Variants in IGSF23 observed in about 807,000 individuals in gnomAD.
IGSF23 encodes the protein immunoglobulin superfamily member 23.
In IGSF23, 14 loss-of-function variants were observed where a neutral mutation model predicts 17.8. The ratio of observed to expected loss-of-function variants is 0.79; its 90% CI spans 0.52 to 1.23. The LOEUF is 1.23. Among genes scored for constraint, IGSF23 ranks in the 50% most tolerant of loss-of-function variants. The pLI, the probability that IGSF23 is intolerant of heterozygous loss-of-function variation, is 0.00. For synonymous variants in IGSF23, 85 were observed against 92.5 expected, an observed-to-expected ratio of 0.92 and a Z score of 0.46; for missense variants, 214 against 241.7, an observed-to-expected ratio of 0.89 and a Z score of 0.76.
At position 44,613,693 on chromosome 19, in the gene IGSF23, C is replaced by T; in HGVS notation, c.48C>T (p.Ala16=). 6.4e-7 allele frequency: 1 copy of T among 1,550,482 alleles called. No individual in the cohort carries two copies. The highest frequency in any genetic ancestry group is 8.7e-7 in the Non-Finnish European group (1 of 1,146,934). Residue 16 remains alanine (A), a synonymous_variant, in exon 1 of 5, where the codon GCC becomes GCT. Coordinates refer to ENST00000402988, the MANE Select transcript of IGSF23 (RefSeq NM_001205280.2). The part of the protein sequence containing the change: ...QSPLPRNPVP[A]WSPPTTTTDP... ...CCCTTCCCAGGAACCCTGTCCCAGC[C>T]TGGTCCCCACCCACCACCACCACTG...
chr19:44,616,804 A>C (rs1216643647), intron 1 of IGSF23, among the ~76,000 whole-genome samples: 1 of 151,224 alleles, frequency 6.6e-6, no homozygotes, highest in Non-Finnish European at 1.5e-5. Context: ...TAGGAGTCTA[A>C]GTTTTCTGCT....
In IGSF23 at chr19:44,636,723, A is replaced by T. The variant is rs546621236; in HGVS notation, c.*336A>T. The T allele has an allele frequency of 6.6e-6, 1 of 152,170 alleles. No homozygotes were observed. Among genetic ancestry groups the T allele is most frequent in the Non-Finnish European group, 1.5e-5 (1 of 68,036 alleles). The allele number at this position is 152,170 out of a possible 1,614,324, so 9.4% of individuals were successfully genotyped here. On this transcript the variant is annotated 3_prime_UTR_variant, in exon 5 of 5. Transcript: ENST00000402988. Reference sequence around the variant, plus strand: ...AGACCCCAAAATATGTCTTTTACACATGCTGCTTTTTTTTTCTCTTTTTCA... The same window carrying T: ...AGACCCCAAAATATGTCTTTTACACTTGCTGCTTTTTTTTTCTCTTTTTCA...
chr19:44,629,073 G>A (rs966831814), intron 3 of IGSF23, among the ~76,000 whole-genome samples: 1 of 152,178 alleles, frequency 6.6e-6, no homozygotes, highest in African/African-American at 2.4e-5. Flanking sequence ...GTAACATGTG[G>A]GTCAGAGAGG....
At chr19:44,613,913 T>C (rs942061140) in intron 1 of IGSF23, 143 bp downstream of exon 1, 2 of 1,548,096 alleles carry the variant, frequency 1.3e-6, no homozygotes, top group African/African-American at 2.7e-5. Flanking sequence ...GCACAGTCCC[T>C]GGACAGAACA....
At chr19:44,627,273 G>A in intron 2 of IGSF23, 147 bp from the exon 3 acceptor site, 1 of 746,898 alleles carries the variant, frequency 1.3e-6, no homozygotes, top group Non-Finnish European at 2.1e-6. Flanking sequence ...GGGCAGGAGA[G>A]CAGGGAGGAG....
chr19:44,613,812 C>T (rs565128144), intron 1 of IGSF23, 42 bp downstream of exon 1: 25 of 1,548,878 alleles, frequency 1.6e-5, no homozygotes, highest in African/African-American at 1.4e-4. Flanking sequence ...GCATGGTCAT[C>T]GTGAGCAGGG....
intron 3 of IGSF23, among the ~76,000 whole-genome samples, chr19:44,633,358 G>A (rs968749956): frequency 1.3e-5 from 2 of 152,238 alleles, no homozygotes; most frequent in Non-Finnish European, 2.9e-5. Context: ...CTTTCCGCTT[G>A]AAGCGGTTCT....
At chr19:44,616,900 AAG>A (rs899763381) in intron 1 of IGSF23, among the ~76,000 whole-genome samples, 25 of 149,234 alleles carry the variant, frequency 1.7e-4, no homozygotes, top group South Asian at 2.1e-4. Flanking sequence ...GAGAGAGAAA[AAG>A]AGAGAGAGAG....
intron 2 of IGSF23, 37 bp downstream of exon 2, chr19:44,624,009 A>G: frequency 7.5e-7 from 1 of 1,335,114 alleles, no homozygotes; most frequent in Non-Finnish European, 9.9e-7. Flanking sequence ...ACCCCACCCA[A>G]GAGCCCTGCA....
intron 1 of IGSF23, among the ~76,000 whole-genome samples, chr19:44,622,476 A>G (rs1972544206): frequency 6.6e-6 from 1 of 152,150 alleles, no homozygotes; most frequent in African/African-American, 2.4e-5. Context: ...GGCCCTAATG[A>G]GCCCCAAACC....
At chr19:44,627,368 C>T (rs1972674186) in intron 2 of IGSF23, 52 bp from the exon 3 acceptor site, 11 of 1,449,524 alleles carry the variant, frequency 7.6e-6, no homozygotes, top group Admixed American at 6.9e-5. Context: ...GAGGGGTGCA[C>T]AGGGAGGGCG....
At chr19:44,632,180 A>T (rs1252037884) in intron 3 of IGSF23, 2 of 321,538 alleles carry the variant, frequency 6.2e-6, no homozygotes, top group Non-Finnish European at 1.2e-5. Flanking sequence ...TTATAGGAGG[A>T]GATTTGTTAT....
chr19:44,617,874 G>A (rs761346880), intron 1 of IGSF23, among the ~76,000 whole-genome samples: 7 of 152,106 alleles, frequency 4.6e-5, no homozygotes, highest in Admixed American at 1.3e-4. Flanking sequence ...CTGCCAACGT[G>A]CCCACTGACA....
chr19:44,635,598 G>A (rs1303610749), intron 4 of IGSF23, 133 bp downstream of exon 4: 3 of 619,248 alleles, frequency 4.8e-6, no homozygotes, highest in Non-Finnish European at 8.3e-6. Context: ...CCCTCCTGTG[G>A]AGAGCTCCAG....
chr19:44,616,555 G>A (rs1462577340), intron 1 of IGSF23, among the ~76,000 whole-genome samples: 2 of 151,778 alleles, frequency 1.3e-5, no homozygotes, highest in African/African-American at 4.8e-5. Context: ...AAATTAGCTG[G>A]GCGTGGTGGC....
chr19:44,627,641 C>T, intron 3 of IGSF23, 68 bp downstream of exon 3: 1 of 1,467,562 alleles, frequency 6.8e-7, no homozygotes, highest in Non-Finnish European at 9.2e-7. Context: ...ACAGAGCTGG[C>T]TCAACAAGGA....
intron 3 of IGSF23, chr19:44,632,372 C>A: frequency 6.2e-6 from 1 of 161,942 alleles, no homozygotes; most frequent in South Asian, 1.5e-4. Flanking sequence ...ATTACTCATT[C>A]TGAGTGGTTG....
At chr19:44,631,530 C>T (rs917700167) in intron 3 of IGSF23, among the ~76,000 whole-genome samples, 3 of 152,176 alleles carry the variant, frequency 2.0e-5, no homozygotes, top group African/African-American at 4.8e-5. Flanking sequence ...GTCAGGGAAA[C>T]TCTAACCCAG....
chr19:44,634,157 T>G (rs1470636163), intron 3 of IGSF23, among the ~76,000 whole-genome samples: 2 of 152,200 alleles, frequency 1.3e-5, no homozygotes, highest in Non-Finnish European at 2.9e-5. Flanking sequence ...ACAGACATTG[T>G]ACGGGTGTGA....
Sources: allele counts gnomAD v4.1 joint callset (sites outside exome capture counted in the v4.1 genomes callset), GRCh38; gene constraint gnomAD v4.1.1; transcripts MANE v1.5; gene names NCBI Gene and HGNC (gene_info 2026-07-23, HGNC 2026-07-21).